SYDE2: variants seen among roughly 807,000 people sequenced by gnomAD.
SYDE2 encodes the protein rho GTPase-activating protein SYDE2.
A neutral mutation model predicts 91.5 loss-of-function variants in SYDE2; 76 were observed. That is an observed-to-expected ratio of 0.83 (90% CI 0.69 to 1.01). SYDE2 has a LOEUF of 1.01. Ranked by LOEUF, SYDE2 falls within the 50% of genes least tolerant of loss-of-function variation. SYDE2 has a pLI of 0.00. For synonymous variants in SYDE2, 513 were observed against 506.4 expected, an observed-to-expected ratio of 1.01 and a Z score of -0.18; for missense variants, 1,364 against 1,367.7, an observed-to-expected ratio of 1.00 and a Z score of 0.04.
chr1:85,152,694 C>A (rs2100635202), downstream of SYDE2: 1 of 152,262 alleles, frequency 6.6e-6, no homozygotes, highest in African/African-American at 2.4e-5. Context: ...GATTGTTATA[C>A]AAAGTCCCTG....
rs202166039 is a variant in SYDE2, at chr1:85,182,942, C to T, written c.1700G>A (p.Arg567Gln). The T allele has an allele frequency of 3.4e-4, 551 of 1,613,734 alleles. No homozygotes were observed. Among genetic ancestry groups the T allele is most frequent in the Middle Eastern group, 1.3e-3 (8 of 6,060 alleles). Reference protein sequence around the residue: ...NTPSLSKYNCREVHHTDILPS... With the variant: ...NTPSLSKYNCQEVHHTDILPS... ...CAGAATATCAGTATGATGAACTTCT[C>T]GGCAGTTATATTTAGACAAAGAAGG... Residue 567 changes from arginine to glutamine, a missense_variant, in exon 3 of 7, where the codon CGA becomes CAA. Transcript: ENST00000341460.
intron 3 of SYDE2, chr1:85,181,505 T>G (rs1657919221): frequency 6.6e-6 from 1 of 152,238 alleles, no homozygotes; most frequent in African/African-American, 2.4e-5. Context: ...ATTAAGTGAC[T>G]TGCCCAACAT....
chr1:85,187,886 G>T, intron 2 of SYDE2, among the ~76,000 whole-genome samples: 1 of 107,600 alleles, frequency 9.3e-6, no homozygotes, highest in Admixed American at 1.1e-4. Flanking sequence ...GAGGGGGGAG[G>T]GATAGCATTA....
At chr1:85,179,232 G>T (rs1329379165) in intron 3 of SYDE2, among the ~76,000 whole-genome samples, 1 of 152,116 alleles carries the variant, frequency 6.6e-6, no homozygotes, top group Non-Finnish European at 1.5e-5. Context: ...TTTAAAGACA[G>T]AAATAAAGTA....
In SYDE2 at chr1:85,157,279, TA is replaced by T. The variant is rs1332156470; in HGVS notation, c.*1470del. On this transcript the variant is annotated 3_prime_UTR_variant, in exon 7 of 7. Transcript: ENST00000341460. ...TTACATATTCTGTAGATATAAAAGT[TA>T]AAAAAATACATTTTGATTTAATACA... 1 of 152,010 alleles carries T rather than the reference TA, an allele frequency of 6.6e-6. No individual in the cohort carries two copies. The highest frequency in any genetic ancestry group is 2.4e-5 in the African/African-American group (1 of 41,444). The allele number at this position is 152,010 out of a possible 1,614,324, so 9.4% of individuals were successfully genotyped here.
intron 4 of SYDE2, among the ~76,000 whole-genome samples, chr1:85,170,323 T>C (rs541687428): frequency 1.2e-4 from 19 of 152,128 alleles, no homozygotes; most frequent in African/African-American, 4.1e-4. Flanking sequence ...TAGACTTGAA[T>C]TGCTGGCCTC....
chr1:85,182,021 C>G, intron 3 of SYDE2, 77 bp downstream of exon 3: 1 of 1,377,024 alleles, frequency 7.3e-7, no homozygotes, highest in Non-Finnish European at 9.7e-7. Flanking sequence ...TTTTACATTA[C>G]CTTGAATTTC....
At chr1:85,181,907 A>G (rs1356497227) in intron 3 of SYDE2, 191 bp downstream of exon 3, 1 of 541,406 alleles carries the variant, frequency 1.8e-6, no homozygotes. Flanking sequence ...ATCATCTAGC[A>G]TGCTCTCAAT....
At chr1:85,163,346 T>C (rs1657130800) in intron 6 of SYDE2, among the ~76,000 whole-genome samples, 1 of 150,700 alleles carries the variant, frequency 6.6e-6, no homozygotes, top group Non-Finnish European at 1.5e-5. Context: ...GACCTTGTGA[T>C]CCACCTGCCT....
At chr1:85,181,360 A>C (rs1657914000) in intron 3 of SYDE2, 1 of 152,084 alleles carries the variant, frequency 6.6e-6, no homozygotes, top group African/African-American at 2.4e-5. Context: ...TATGTTGGCC[A>C]GGCTGGTCTT....
rs1375417356 is a variant in SYDE2, at chr1:85,200,372, C to G, written c.625G>C (p.Ala209Pro). Residue 209 changes from alanine (A) to proline (P), a missense_variant, in exon 1 of 7, where the codon GCC (alanine) becomes CCC (proline). Ala to Pro is a conservative substitution (Grantham distance 27). Coordinates refer to ENST00000341460, the MANE Select transcript of SYDE2 (RefSeq NM_032184.2). ...RLLSLGMKGR[A>P]RGTAPKVTGT... is the part of the protein sequence containing the mutation. ...GTGACTTTGGGAGCCGTCCCACGGG[C>G]ACGACCCTTCATTCCCAGGGACAGC... 6.2e-7 allele frequency: 1 copy of G among 1,613,944 alleles called. No individual in the cohort carries two copies. The highest frequency in any genetic ancestry group is 1.3e-5 in the African/African-American group (1 of 74,946).
chr1:85,178,366 T>C, intron 3 of SYDE2, 94 bp from the exon 4 acceptor site: 1 of 1,134,620 alleles, frequency 8.8e-7, no homozygotes. Flanking sequence ...TCAAATATGT[T>C]CTGATGTCAT....
intron 2 of SYDE2, among the ~76,000 whole-genome samples, chr1:85,187,131 A>C (rs1483033434): frequency 4.6e-5 from 7 of 152,332 alleles, no homozygotes; most frequent in Non-Finnish European, 8.8e-5. Context: ...CAAAGGGCTG[A>C]TATCCAGAAT....
At position 85,186,551 on chromosome 1, in the gene SYDE2, C is replaced by T. The variant is rs888427499; in HGVS notation, c.1442-3351G>A. 1.6e-4 allele frequency among the ~76,000 whole-genome samples: 24 copies of T among 152,120 alleles called. No homozygotes were observed. The South Asian group carries it at 2.3e-3, about 14-fold the overall frequency. On this transcript the variant is annotated intron_variant, in intron 2 of 6. Transcript: ENST00000341460. ...TATGGAACCAAAAAAGAGCCCGCAT[C>T]GCCAAGTTAATCCTAAGCCAAAAGA... is the stretch of plus-strand genomic sequence containing the variant.
In SYDE2 at chr1:85,190,675, C is replaced by G; in HGVS notation, c.823G>C (p.Gly275Arg). 1 of 1,613,866 alleles carries G rather than the reference C, an allele frequency of 6.2e-7. No individual in the cohort carries two copies. Among genetic ancestry groups the G allele is most frequent in the Non-Finnish European group, 8.5e-7 (1 of 1,179,858 alleles). Residue 275 changes from glycine to arginine, a missense_variant, in exon 2 of 7, where the codon GGT becomes CGT. By Grantham distance (125) the Gly-to-Arg change is moderately radical (BLOSUM62 -2). Coordinates refer to ENST00000341460, the MANE Select transcript of SYDE2 (RefSeq NM_032184.2). Reference protein sequence around the residue: ...EELKDNIEFRGHKPLNSITVS... With the variant: ...EELKDNIEFRRHKPLNSITVS... The stretch of plus-strand genomic sequence containing the variant: ...GTGATGCTGTTAAGTGGCTTATGAC[C>G]TCTGAATTCAATATTATCCTTCAGC...
At chr1:85,198,644 C>G (rs531336492) in intron 1 of SYDE2, among the ~76,000 whole-genome samples, 2 of 152,158 alleles carry the variant, frequency 1.3e-5, no homozygotes, top group African/African-American at 4.8e-5. Context: ...CTTAAAGGAA[C>G]TATATTTATT....
intron 4 of SYDE2, among the ~76,000 whole-genome samples, chr1:85,173,454 A>AATAT (rs1657575458): frequency 6.6e-6 from 1 of 152,150 alleles, no homozygotes; most frequent in African/African-American, 2.4e-5. Context: ...TTAGCCACCA[A>AATAT]GTTTGTGGTA....
intron 6 of SYDE2, chr1:85,159,692 TGATCAGCCTAGTAAGTTCC>T (rs1656988928): frequency 4.4e-6 from 1 of 229,860 alleles, no homozygotes; most frequent in African/African-American, 2.3e-5. Context: ...GCATCTAAAG[TGATCAGCCTAGTAAGTTCC>T]GACCCTTGTG....
At chr1:85,189,267 G>A (rs559678309) in intron 2 of SYDE2, among the ~76,000 whole-genome samples, 27 of 152,174 alleles carry the variant, frequency 1.8e-4, no homozygotes, top group African/African-American at 6.5e-4. Flanking sequence ...ACTGTAGCAC[G>A]TATTTGCAAG....
Sources: gnomAD v4.1 joint callset for allele counts (sites outside exome capture counted in the v4.1 genomes callset) on GRCh38, gnomAD v4.1.1 for gene constraint, MANE v1.5 for transcripts, NCBI Gene and HGNC (gene_info 2026-07-23, HGNC 2026-07-21) for gene names.